Variants in MAPKAPK5 observed in about 807,000 individuals in gnomAD.
MAPKAPK5 encodes the protein MAP kinase-activated protein kinase 5.
In MAPKAPK5, 30 loss-of-function variants were observed where a neutral mutation model predicts 65.1. The ratio of observed to expected loss-of-function variants is 0.46; its 90% CI spans 0.34 to 0.63. The LOEUF is 0.63. Among genes scored for constraint, MAPKAPK5 ranks in the 20% least tolerant of loss-of-function variants. The pLI, the probability that MAPKAPK5 is intolerant of heterozygous loss-of-function variation, is 0.01. For missense variants in MAPKAPK5, 433 were observed against 581.4 expected (o/e 0.74, Z 2.63); for synonymous variants, 179 against 204.6 (o/e 0.87, Z 1.07).
intron 11 of MAPKAPK5, 62 bp from the exon 12 acceptor site, chr12:111,888,823 T>G: frequency 2.5e-6 from 4 of 1,587,416 alleles, no homozygotes; most frequent in Non-Finnish European, 3.4e-6. Context: ...AGAGGTAATA[T>G]CTGTCCAGAG....
chr12:111,892,674 A>G (rs1183688257), intron 13 of MAPKAPK5, among the ~76,000 whole-genome samples: 1 of 151,954 alleles, frequency 6.6e-6, no homozygotes, highest in Admixed American at 6.6e-5. Flanking sequence ...AATTCTTTAT[A>G]TATTCTGGAT....
chr12:111,886,296 A>T (rs1331506289), intron 10 of MAPKAPK5, among the ~76,000 whole-genome samples: 1 of 152,254 alleles, frequency 6.6e-6, no homozygotes, highest in Non-Finnish European at 1.5e-5. Context: ...CTGCGGGCAC[A>T]GAACAGTTTA....
intron 1 of MAPKAPK5, among the ~76,000 whole-genome samples, chr12:111,862,863 T>C (rs2069486679): frequency 6.6e-6 from 1 of 152,224 alleles, no homozygotes; most frequent in South Asian, 2.1e-4. Context: ...GAACAGTTTT[T>C]ACCACGATGC....
rs984569864 is a variant in MAPKAPK5, at chr12:111,900,965, A to G, written c.*7904A>G. On this transcript the variant is annotated 3_prime_UTR_variant, in exon 14 of 14. Transcript: ENST00000550735. Reference sequence around the variant, plus strand: ...TGAACAGCAAAGGGGACCAATTTGGAAACTGTGGCATTTCTACCAGTCCTG... The same window carrying G: ...TGAACAGCAAAGGGGACCAATTTGGGAACTGTGGCATTTCTACCAGTCCTG... 6 of 456,106 alleles carry G rather than the reference A, an allele frequency of 1.3e-5. No homozygotes were observed. Among genetic ancestry groups the G allele is most frequent in the Non-Finnish European group, 2.6e-5 (6 of 226,806 alleles). The allele number at this position is 456,106 out of a possible 1,614,324, so 28.3% of individuals were successfully genotyped here. A position where few individuals can be genotyped will look rare whatever the true frequency, so the allele number is the denominator to read the frequency against.
At chr12:111,851,396 G>C (rs976942849) in intron 1 of MAPKAPK5, among the ~76,000 whole-genome samples, 1 of 152,142 alleles carries the variant, frequency 6.6e-6, no homozygotes, top group African/African-American at 2.4e-5. Context: ...GGTGATCTCA[G>C]CTCACTTCAA....
chr12:111,869,671 T>G (rs558791456), intron 5 of MAPKAPK5, among the ~76,000 whole-genome samples: 2 of 152,356 alleles, frequency 1.3e-5, no homozygotes, highest in East Asian at 3.9e-4. Flanking sequence ...TCTTTCTGTT[T>G]GATTTTTAAA....
chr12:111,864,757 G>A (rs2069549165), intron 1 of MAPKAPK5, among the ~76,000 whole-genome samples: 1 of 152,080 alleles, frequency 6.6e-6, no homozygotes, highest in Admixed American at 6.6e-5. Context: ...ATATTGATTA[G>A]TTACTATTTT....
rs2070162076 is a variant in MAPKAPK5 at position 111,880,546 on chromosome 12, CTCT to C, written c.660+22_660+24del. The C allele has an allele frequency of 6.2e-7, 1 of 1,609,470 alleles. No individual in the cohort carries two copies. The highest frequency in any genetic ancestry group is 1.7e-5 in the Admixed American group (1 of 59,980). On this transcript the variant is annotated intron_variant, in intron 8 of 13. Coordinates refer to ENST00000550735, the MANE Select transcript of MAPKAPK5 (RefSeq NM_003668.4). ...CAACAAGGTACAGGAAGAGATATTT[CTCT>C]TCATTTGACAGATGCAGCCCCTCTC... is the stretch of plus-strand genomic sequence containing the variant.
intron 13 of MAPKAPK5, among the ~76,000 whole-genome samples, chr12:111,890,576 C>G (rs1337824017): frequency 1.3e-5 from 2 of 152,164 alleles, no homozygotes; most frequent in Admixed American, 1.3e-4. Context: ...AGAGCTGTTT[C>G]ACGAAAGAGG....
At position 111,888,520 on chromosome 12, in the gene MAPKAPK5, G is replaced by A. The variant is rs147775179; in HGVS notation, c.1002G>A (p.Ala334=). The change falls in exon 11 of 14, where the codon GCG becomes GCA. Residue 334 remains alanine, a synonymous_variant. Coordinates refer to ENST00000550735, the MANE Select transcript of MAPKAPK5 (RefSeq NM_003668.4). ...TTGCAGGAATCCAGCAGGCTCACGC[G>A]GAACAGTTGGCCAACATGAGAATCC... ...AVVAGIQQAH[A]EQLANMRIQD... 9.3e-6 allele frequency: 15 copies of A among 1,613,942 alleles called. No individual in the cohort carries two copies. Among genetic ancestry groups the A allele is most frequent in the African/African-American group, 4.0e-5 (3 of 75,030 alleles).
intron 1 of MAPKAPK5, among the ~76,000 whole-genome samples, chr12:111,853,356 A>G (rs1001713527): frequency 2.6e-5 from 4 of 151,804 alleles, no homozygotes; most frequent in African/African-American, 9.7e-5. Context: ...TGGGTGACAG[A>G]GCGAAACTTC....
intron 1 of MAPKAPK5, 91 bp from the exon 2 acceptor site, chr12:111,865,159 A>G (rs2069559364): frequency 1.3e-6 from 1 of 748,138 alleles, no homozygotes; most frequent in Non-Finnish European, 2.3e-6. Flanking sequence ...TGAGCTGTTG[A>G]GTGACAGGTC....
intron 7 of MAPKAPK5, among the ~76,000 whole-genome samples, chr12:111,876,901 T>TACAA (rs112405622): frequency 0.19 from 29,661 of 152,118 alleles, 3,081 homozygotes; most frequent in Middle Eastern, 0.27. Context: ...TACACATTCT[T>TACAA]ACAGTGTACA....
intron 1 of MAPKAPK5, among the ~76,000 whole-genome samples, chr12:111,857,311 G>A (rs577766830): frequency 8.3e-4 from 124 of 149,692 alleles, no homozygotes; most frequent in African/African-American, 3.0e-3. Flanking sequence ...GTATGATCTC[G>A]GCTCACTGCA....
chr12:111,847,349 A>AAAG (rs1343283708), intron 1 of MAPKAPK5, among the ~76,000 whole-genome samples: 1 of 151,666 alleles, frequency 6.6e-6, no homozygotes, highest in African/African-American at 2.4e-5. Context: ...CTCTGCAAAA[A>AAAG]AAAAAAAAAA....
intron 1 of MAPKAPK5, among the ~76,000 whole-genome samples, chr12:111,845,256 C>CT (rs1173554951): frequency 1.3e-5 from 2 of 152,120 alleles, no homozygotes; most frequent in Admixed American, 1.3e-4. Flanking sequence ...CTCCGAGTAG[C>CT]TGGGACTACA....
intron 7 of MAPKAPK5, chr12:111,879,409 G>A (rs1285756093): frequency 7.9e-6 from 1 of 126,898 alleles, no homozygotes; most frequent in Non-Finnish European, 1.6e-5. Context: ...TTTTTTTTGA[G>A]ATGGGATTTT....
At chr12:111,862,556 T>G (rs553205062) in intron 1 of MAPKAPK5, among the ~76,000 whole-genome samples, 1 of 151,794 alleles carries the variant, frequency 6.6e-6, no homozygotes, top group African/African-American at 2.4e-5. Context: ...CAAAAATTAG[T>G]TGGGTGTGGT....
rs1275439702 is a variant in MAPKAPK5 at position 111,842,486 on chromosome 12, G to C, written c.-248G>C. The C allele has an allele frequency of 2.1e-5, 7 of 327,614 alleles. No individual in the cohort carries two copies. Among genetic ancestry groups the C allele is most frequent in the Admixed American group, 4.9e-5 (1 of 20,246 alleles). 20.3% of individuals were successfully genotyped at this position (327,614 alleles called of 1,614,324 possible). On this transcript the variant is annotated 5_prime_UTR_variant, in exon 1 of 14. Coordinates refer to ENST00000550735, the MANE Select transcript of MAPKAPK5 (RefSeq NM_003668.4). ...GATGAGGCTAGGAGGCGGCCGCGTG[G>C]GGCCCAGCACAAAGACCTGTCCCCA...
Sources: gnomAD v4.1 joint callset for allele counts (sites outside exome capture counted in the v4.1 genomes callset) on GRCh38, gnomAD v4.1.1 for gene constraint, MANE v1.5 for transcripts, NCBI Gene and HGNC (gene_info 2026-07-23, HGNC 2026-07-21) for gene names.